The following DNER variants were observed in gnomAD, a reference collection of about 807,000 sequenced individuals.
DNER encodes the protein delta/notch like EGF repeat containing.
Under a neutral mutation model 78.2 loss-of-function variants are expected in DNER, and 33 were observed. The ratio of observed to expected loss-of-function variants is 0.42; its 90% CI spans 0.32 to 0.56. The LOEUF is 0.56. Ranked by LOEUF, DNER falls within the 20% of genes least tolerant of loss-of-function variation. The pLI is 0.11. For synonymous variants in DNER, 417 were observed against 384.8 expected (o/e 1.08, Z -0.98); for missense variants, 918 against 975.3 (o/e 0.94, Z 0.78).
At chr2:229,474,485 C>T (rs983804292) in intron 7 of DNER, among the ~76,000 whole-genome samples, 1 of 152,164 alleles carries the variant, frequency 6.6e-6, no homozygotes, top group African/African-American at 2.4e-5. Flanking sequence ...TCCAGAGCCT[C>T]GCATTTTCTC....
intron 1 of DNER, among the ~76,000 whole-genome samples, chr2:229,667,149 C>T (rs1699105929): frequency 6.6e-6 from 1 of 152,212 alleles, no homozygotes; most frequent in Non-Finnish European, 1.5e-5. Flanking sequence ...ATTATCCAAA[C>T]ATCCGCCTCT....
At chr2:229,544,552 G>A (rs1033236671) in intron 5 of DNER, among the ~76,000 whole-genome samples, 2 of 151,448 alleles carry the variant, frequency 1.3e-5, no homozygotes, top group Admixed American at 6.6e-5. Context: ...TATTTTTTGA[G>A]ATAGAGTTCA....
rs142805139 is a variant in DNER at position 229,446,619 on chromosome 2, G to A, written c.1486+697C>T. On this transcript the variant is annotated intron_variant, in intron 8 of 12. Coordinates refer to ENST00000341772, the MANE Select transcript of DNER (RefSeq NM_139072.4). ...GGAGACATACACAGAATAGAAACGAGAGGAAAGGGCTGCCCCGTGCATTCC... is the reference window on the plus strand; with the variant it reads ...GGAGACATACACAGAATAGAAACGAAAGGAAAGGGCTGCCCCGTGCATTCC... Among the ~76,000 whole-genome samples the A allele has an allele frequency of 2.3e-3, 356 of 152,330 alleles. 1 individual carries two copies. Among genetic ancestry groups the A allele is most frequent in the Non-Finnish European group, 3.9e-3 (266 of 68,026 alleles).
chr2:229,591,455 A>C lies in DNER; in HGVS notation c.585+125T>G, dbSNP rs1471224763. The C allele has an allele frequency of 1.7e-6, 2 of 1,151,172 alleles. No homozygotes were observed. The highest frequency in any genetic ancestry group is 3.1e-5 in the African/African-American group (2 of 63,814). 71.3% of individuals were successfully genotyped at this position (1,151,172 alleles called of 1,614,324 possible). The stretch of plus-strand genomic sequence containing the variant: ...AATGCAGACAGGAATAAGTTTAGGG[A>C]GATATTTTGCTTCGTGATTTAACTT... On this transcript the variant is annotated intron_variant, in intron 2 of 12. Coordinates refer to ENST00000341772, the MANE Select transcript of DNER (RefSeq NM_139072.4). The surrounding 1 kb of genome is among the most constrained non-coding windows in gnomAD (Gnocchi z 4.6).
intron 6 of DNER, among the ~76,000 whole-genome samples, chr2:229,490,950 C>T (rs1025959346): frequency 6.6e-6 from 1 of 152,236 alleles, no homozygotes; most frequent in Non-Finnish European, 1.5e-5. Flanking sequence ...AGCCTCCTAA[C>T]TGGTTTTCCA....
At chr2:229,599,975 T>C (rs950385267) in intron 1 of DNER, among the ~76,000 whole-genome samples, 3 of 152,140 alleles carry the variant, frequency 2.0e-5, no homozygotes, top group African/African-American at 7.2e-5. Context: ...TGGACCATTG[T>C]TTTAGTGATT....
intron 5 of DNER, among the ~76,000 whole-genome samples, chr2:229,545,447 T>C (rs971543509): frequency 3.9e-5 from 6 of 152,108 alleles, no homozygotes; most frequent in Admixed American, 6.5e-5. Context: ...CAGCGGCACA[T>C]GCCTGTAATC....
chr2:229,457,375 A>C (rs140212448), intron 7 of DNER, among the ~76,000 whole-genome samples: 1 of 152,050 alleles, frequency 6.6e-6, no homozygotes, highest in African/African-American at 2.4e-5. Flanking sequence ...GAGAACAAAT[A>C]ATAAGGGAAG....
intron 4 of DNER, among the ~76,000 whole-genome samples, chr2:229,568,690 A>C (rs1414590746): frequency 1.3e-5 from 2 of 151,978 alleles, no homozygotes; most frequent in Admixed American, 6.6e-5. Flanking sequence ...CTACACACTC[A>C]CTTTTGAATG....
intron 3 of DNER, chr2:229,586,591 G>C: frequency 1.3e-6 from 1 of 791,196 alleles, no homozygotes; most frequent in Non-Finnish European, 1.5e-6. Context: ...GTCACAGAAA[G>C]CCCATCAACC....
At chr2:229,428,673 A>G (rs1693936205) in intron 8 of DNER, among the ~76,000 whole-genome samples, 1 of 144,354 alleles carries the variant, frequency 6.9e-6, no homozygotes, top group Admixed American at 6.8e-5. Context: ...AGTGATTTGA[A>G]AAAAAAAAAA....
intron 6 of DNER, among the ~76,000 whole-genome samples, chr2:229,511,424 T>C (rs1369092931): frequency 4.6e-5 from 7 of 152,182 alleles, no homozygotes. Context: ...TCAATTAAGA[T>C]GATTGTCAGA....
chr2:229,677,326 C>T (rs1231603576), intron 1 of DNER, among the ~76,000 whole-genome samples: 2 of 152,190 alleles, frequency 1.3e-5, no homozygotes, highest in African/African-American at 2.4e-5. Flanking sequence ...TCACTTCTGT[C>T]TTCCCACCAT....
chr2:229,713,893 G>A (rs1382507957), intron 1 of DNER, among the ~76,000 whole-genome samples: 1 of 152,134 alleles, frequency 6.6e-6, no homozygotes, highest in Non-Finnish European at 1.5e-5. Context: ...AGCCCCGCGC[G>A]AGAAGTGCCG....
intron 1 of DNER, among the ~76,000 whole-genome samples, chr2:229,711,162 G>A (rs1218357078): frequency 6.6e-6 from 1 of 152,092 alleles, no homozygotes; most frequent in Non-Finnish European, 1.5e-5. Flanking sequence ...TGGGGCTGGA[G>A]TAGCACAGGG....
chr2:229,406,338 C>T (rs1294233081), intron 10 of DNER, among the ~76,000 whole-genome samples: 1 of 152,142 alleles, frequency 6.6e-6, no homozygotes, highest in Non-Finnish European at 1.5e-5. Context: ...CAGAGTGACC[C>T]TTAAGCTTTT....
rs190848875 is a variant in DNER at position 229,626,141 on chromosome 2, G to C, written c.277-34253C>G. Among the ~76,000 whole-genome samples the C allele has an allele frequency of 6.3e-4, 96 of 152,140 alleles. 1 individual carries two copies. In the East Asian group the frequency reaches 0.017, roughly 27 times the overall value. On this transcript the variant is annotated intron_variant, in intron 1 of 12. Coordinates refer to ENST00000341772, the MANE Select transcript of DNER (RefSeq NM_139072.4). ...TCACCGTGTTAGCCAAGATGGTCGC[G>C]ATCTCCCGACCTCGTGATCCGCCTG... is the stretch of plus-strand genomic sequence containing the variant.
intron 1 of DNER, among the ~76,000 whole-genome samples, chr2:229,621,568 G>GTT (rs537930624): frequency 7.7e-6 from 1 of 129,160 alleles, no homozygotes; most frequent in Admixed American, 7.6e-5. Context: ...TTGCCCTTTG[G>GTT]TTTTTTTTTT....
At chr2:229,525,454 C>T (rs1381253089) in intron 5 of DNER, among the ~76,000 whole-genome samples, 1 of 152,090 alleles carries the variant, frequency 6.6e-6, no homozygotes, top group African/African-American at 2.4e-5. Context: ...TAATAATATA[C>T]ACTTAAATCT....
Sources: gnomAD v4.1 joint callset for allele counts (sites outside exome capture counted in the v4.1 genomes callset) on GRCh38, gnomAD v4.1.1 for gene constraint, Gnocchi (gnomAD v3.1) non-coding constraint, MANE v1.5 for transcripts, NCBI Gene and HGNC (gene_info 2026-07-23, HGNC 2026-07-21) for gene names.